The following LYPLAL1 variants were observed in gnomAD, a reference collection of about 807,000 sequenced individuals.
The protein encoded by LYPLAL1 is lysophospholipase-like protein 1.
A neutral mutation model predicts 19.7 loss-of-function variants in LYPLAL1; 23 were observed. The observed-to-expected ratio is 1.17, with a 90% confidence interval of 0.84 to 1.65. LYPLAL1 has a LOEUF of 1.65. LYPLAL1 is among the 40% of genes most tolerant of loss of function. The pLI is 0.00. For synonymous variants in LYPLAL1, 119 were observed against 96.3 expected, an observed-to-expected ratio of 1.24 and a Z score of -1.38; for missense variants, 355 against 279.4, an observed-to-expected ratio of 1.27 and a Z score of -1.93.
intron 2 of LYPLAL1, among the ~76,000 whole-genome samples, chr1:219,186,883 G>A (rs1266311482): frequency 1.3e-5 from 2 of 151,578 alleles, no homozygotes; most frequent in Non-Finnish European, 3.0e-5. Context: ...TTGAATTTAG[G>A]TCTACTGCTT....
chr1:219,408,343 T>C, the LYPLAL1 span, among the ~76,000 whole-genome samples: 1 of 152,090 alleles, frequency 6.6e-6, no homozygotes, highest in Admixed American at 6.6e-5. Flanking sequence ...AGAAGAAACT[T>C]TGGGTTGATG....
chr1:219,192,462 C>T (rs557922215), intron 2 of LYPLAL1, among the ~76,000 whole-genome samples: 1 of 151,668 alleles, frequency 6.6e-6, no homozygotes, highest in East Asian at 1.9e-4. Context: ...TTTTCTTTGC[C>T]ACTCTGTTTC....
chr1:219,340,594 T>C, the LYPLAL1 span, among the ~76,000 whole-genome samples: 1 of 152,180 alleles, frequency 6.6e-6, no homozygotes, highest in African/African-American at 2.4e-5. Context: ...AGTTAGAATT[T>C]TACTGTTCTT....
chr1:219,374,219 G>A, the LYPLAL1 span, among the ~76,000 whole-genome samples: 1 of 151,340 alleles, frequency 6.6e-6, no homozygotes, highest in Admixed American at 6.6e-5. Flanking sequence ...AACTTTTGTG[G>A]TTTGGTCATT....
At chr1:219,334,526 GGTGTGTGT>G in the LYPLAL1 span, among the ~76,000 whole-genome samples, 7 of 147,248 alleles carry the variant, frequency 4.8e-5, no homozygotes, top group South Asian at 2.2e-4. Flanking sequence ...AATGAAGAGG[GGTGTGTGT>G]GTGTGTGTGT....
chr1:219,317,746 T>C, the LYPLAL1 span, among the ~76,000 whole-genome samples: 2 of 152,204 alleles, frequency 1.3e-5, no homozygotes, highest in African/African-American at 4.8e-5. Flanking sequence ...TTAATCCTGA[T>C]AGTATACTCC....
At chr1:219,237,607 TTTC>T in the LYPLAL1 span, among the ~76,000 whole-genome samples, 2 of 151,710 alleles carry the variant, frequency 1.3e-5, no homozygotes, top group Non-Finnish European at 2.9e-5. Flanking sequence ...ACTTTCTACT[TTTC>T]TTCTTTTCTC....
downstream of LYPLAL1, among the ~76,000 whole-genome samples, chr1:219,213,505 G>A (rs1355571862): frequency 6.6e-6 from 1 of 151,478 alleles, no homozygotes; most frequent in African/African-American, 2.4e-5. Flanking sequence ...CATCAATTTG[G>A]GGAGAATTTG....
chr1:219,398,433 C>A, the LYPLAL1 span, among the ~76,000 whole-genome samples: 1 of 152,168 alleles, frequency 6.6e-6, no homozygotes, highest in African/African-American at 2.4e-5. Context: ...ATACTGGCTA[C>A]TTTGTCTGTC....
At chr1:219,348,128 C>T in the LYPLAL1 span, among the ~76,000 whole-genome samples, 2 of 152,178 alleles carry the variant, frequency 1.3e-5, no homozygotes, top group African/African-American at 2.4e-5. Context: ...CACATGGGAG[C>T]CTTGTCCATA....
the LYPLAL1 span, among the ~76,000 whole-genome samples, chr1:219,269,847 T>C: frequency 6.6e-6 from 1 of 152,230 alleles, no homozygotes; most frequent in Non-Finnish European, 1.5e-5. Flanking sequence ...TCTAAATATA[T>C]TCTTGCCATT....
the LYPLAL1 span, among the ~76,000 whole-genome samples, chr1:219,431,012 A>G: frequency 6.6e-6 from 1 of 152,090 alleles, no homozygotes; most frequent in Non-Finnish European, 1.5e-5. Context: ...TTTTGACAAT[A>G]GTTAATCTCA....
chr1:219,422,634 ATAAT>A, the LYPLAL1 span, among the ~76,000 whole-genome samples: 192 of 152,344 alleles, frequency 1.3e-3, 2 homozygotes, highest in African/African-American at 4.6e-3. Flanking sequence ...ACATCTTAAA[ATAAT>A]TAATAATGGG....
At chr1:219,385,104 C>T in the LYPLAL1 span, among the ~76,000 whole-genome samples, 1 of 152,028 alleles carries the variant, frequency 6.6e-6, no homozygotes, top group South Asian at 2.1e-4. Flanking sequence ...AATATGCCCT[C>T]CAGAGATCTG....
chr1:219,346,140 A>T, the LYPLAL1 span, among the ~76,000 whole-genome samples: 1 of 152,190 alleles, frequency 6.6e-6, no homozygotes, highest in Non-Finnish European at 1.5e-5. Flanking sequence ...CCAGGGAAGA[A>T]GGCTTTATTG....
the LYPLAL1 span, among the ~76,000 whole-genome samples, chr1:219,340,093 G>C: frequency 0.34 from 52,323 of 151,716 alleles, 9,599 homozygotes; most frequent in Admixed American, 0.41. Context: ...AAAATGTATG[G>C]TATATAAATA....
intron 1 of LYPLAL1, among the ~76,000 whole-genome samples, chr1:219,178,790 CTA>C (rs1443771407): frequency 1.3e-5 from 2 of 151,836 alleles, no homozygotes; most frequent in South Asian, 2.1e-4. Context: ...TAAGAAATGA[CTA>C]TTAAAAGTCA....
At chr1:219,372,507 G>A in the LYPLAL1 span, among the ~76,000 whole-genome samples, 1 of 152,086 alleles carries the variant, frequency 6.6e-6, no homozygotes, top group Non-Finnish European at 1.5e-5. Context: ...TCACCTTTGG[G>A]TTCTAATGCG....
chr1:219,274,304 G>A, the LYPLAL1 span, among the ~76,000 whole-genome samples: 1 of 152,172 alleles, frequency 6.6e-6, no homozygotes, highest in East Asian at 1.9e-4. Flanking sequence ...TAGAAGGCGT[G>A]CAAAAGGACA....
Sources: gnomAD v4.1 joint callset for allele counts (sites outside exome capture counted in the v4.1 genomes callset) on GRCh38, gnomAD v4.1.1 for gene constraint, MANE v1.5 for transcripts, NCBI Gene and HGNC (gene_info 2026-07-23, HGNC 2026-07-21) for gene names.